The following TLK2 variants were observed in gnomAD, a reference collection of about 807,000 sequenced individuals.
TLK2 encodes serine/threonine-protein kinase tousled-like 2.
Under a neutral mutation model 117.3 loss-of-function variants are expected in TLK2, and 6 were observed. The observed-to-expected ratio is 0.05, with a 90% CI of 0.03 to 0.10. TLK2 has a LOEUF of 0.10. Ranked by LOEUF, TLK2 falls within the 10% of genes least tolerant of loss-of-function variation. The pLI is 1.00. For missense variants in TLK2, 299 were observed against 901.2 expected (o/e 0.33, Z 8.56); for synonymous variants, 257 against 316.7 (o/e 0.81, Z 2.00).
chr17:62,509,899 C>A (rs532780666), intron 2 of TLK2, among the ~76,000 whole-genome samples: 1 of 152,344 alleles, frequency 6.6e-6, no homozygotes, highest in East Asian at 1.9e-4. Flanking sequence ...AGCCTGGACC[C>A]TCACCAGACA....
At chr17:62,577,306 G>C (rs964553849) in intron 13 of TLK2, among the ~76,000 whole-genome samples, 1 of 152,070 alleles carries the variant, frequency 6.6e-6, no homozygotes, top group Admixed American at 6.6e-5. Flanking sequence ...CCCAATGACA[G>C]TGTTTTTCCC....
At chr17:62,555,386 A>T (rs2078778268) in intron 9 of TLK2, among the ~76,000 whole-genome samples, 1 of 152,014 alleles carries the variant, frequency 6.6e-6, no homozygotes, top group African/African-American at 2.4e-5. Context: ...AAAATAGTGT[A>T]TTTTGACTCC....
chr17:62,608,223 G>A (rs1263303310), intron 21 of TLK2, 75 bp downstream of exon 21: 2 of 1,120,058 alleles, frequency 1.8e-6, no homozygotes, highest in Non-Finnish European at 2.6e-6. Flanking sequence ...GGTAATAGTG[G>A]ATGGATTCTT....
chr17:62,515,921 C>G (rs553263938), intron 2 of TLK2, among the ~76,000 whole-genome samples: 23 of 152,196 alleles, frequency 1.5e-4, no homozygotes, highest in African/African-American at 4.8e-4. Flanking sequence ...GTAACACTTT[C>G]TCCCTGTTTT....
intron 16 of TLK2, 141 bp from the exon 17 acceptor site, chr17:62,596,444 T>A (rs2082486661): frequency 3.2e-6 from 2 of 617,284 alleles, no homozygotes; most frequent in Non-Finnish European, 5.7e-6. Context: ...AAGAGAAAAG[T>A]CAGATGAGGG....
chr17:62,563,678 C>G (rs2079487138), intron 10 of TLK2, among the ~76,000 whole-genome samples: 1 of 152,078 alleles, frequency 6.6e-6, no homozygotes, highest in African/African-American at 2.4e-5. Flanking sequence ...CTTAGAATTA[C>G]CAATTAATAT....
In TLK2 at chr17:62,575,321, G is replaced by A. The variant is rs557298090; in HGVS notation, c.1122-1388G>A. Among the ~76,000 whole-genome samples the A allele has an allele frequency of 2.0e-5, 3 of 152,212 alleles. No individual in the cohort carries two copies. In the South Asian group the frequency reaches 6.2e-4, roughly 32 times the overall value. On this transcript the variant is annotated intron_variant, in intron 12 of 21. Transcript: ENST00000346027. The stretch of plus-strand genomic sequence containing the variant: ...GAGTGAGCCATATTATCCTTTCTTG[G>A]CCCCGAACCTGTTTCAGACAGAGAA...
At chr17:62,481,490 A>G (rs1423738441) in intron 2 of TLK2, among the ~76,000 whole-genome samples, 1 of 152,218 alleles carries the variant, frequency 6.6e-6, no homozygotes, top group Non-Finnish European at 1.5e-5. Flanking sequence ...GTGTGTATAG[A>G]TTCTATGCCA....
At chr17:62,472,737 CAAAA>C (rs138668621) in intron 1 of TLK2, among the ~76,000 whole-genome samples, 1 of 94,714 alleles carries the variant, frequency 1.1e-5, no homozygotes, top group Non-Finnish European at 2.2e-5. Flanking sequence ...GACCCCGTCT[CAAAA>C]AAAAAAAAAA....
In TLK2 at chr17:62,481,263, A is replaced by C. The variant is rs2071610004; in HGVS notation, c.81+57A>C. On this transcript the variant is annotated intron_variant, in intron 2 of 21. Transcript: ENST00000346027. ...ATATTCTAATTTAAACACATTTTTT[A>C]AATGATTAAGAGCAATTTGGGTAGG... 5 of 1,596,992 alleles carry C rather than the reference A, an allele frequency of 3.1e-6. No homozygotes were observed. In the South Asian group the frequency reaches 5.6e-5, roughly 18 times the overall value.
At chr17:62,573,506 C>T (rs1031935003) in intron 12 of TLK2, 139 bp downstream of exon 12, 2 of 1,174,010 alleles carry the variant, frequency 1.7e-6, no homozygotes, top group South Asian at 1.7e-5. Flanking sequence ...AATGGATTTG[C>T]TCAACTCATA....
intron 6 of TLK2, among the ~76,000 whole-genome samples, chr17:62,535,621 T>C (rs1054749837): frequency 6.6e-6 from 1 of 151,674 alleles, no homozygotes; most frequent in African/African-American, 2.4e-5. Context: ...ACAAAAAAAT[T>C]AGCCAGGCGT....
At chr17:62,567,242 A>G (rs1212454315) in intron 11 of TLK2, among the ~76,000 whole-genome samples, 2 of 152,176 alleles carry the variant, frequency 1.3e-5, no homozygotes, top group South Asian at 2.1e-4. Flanking sequence ...CTCATAACAA[A>G]ACAAAACAAA....
chr17:62,474,168 T>C (rs1386085312), upstream of TLK2, among the ~76,000 whole-genome samples: 1 of 152,042 alleles, frequency 6.6e-6, no homozygotes, highest in Non-Finnish European at 1.5e-5. Flanking sequence ...AAGCTCTGCC[T>C]CCTGGGTTCA....
chr17:62,595,649 C>T (rs1388670252), intron 16 of TLK2, among the ~76,000 whole-genome samples: 1 of 151,504 alleles, frequency 6.6e-6, no homozygotes, highest in East Asian at 1.9e-4. Context: ...CATCATTGAC[C>T]GAAGGGTTGT....
chr17:62,548,238 A>G lies in TLK2; in HGVS notation c.532-4064A>G, dbSNP rs62076084. 6.0e-3 allele frequency among the ~76,000 whole-genome samples: 670 copies of G among 111,866 alleles called. 2 individuals are homozygous for G. Among genetic ancestry groups the G allele is most frequent in the South Asian group, 0.021 (64 of 3,046 alleles). The allele number at this position is 111,866 out of a possible 152,430, so 73.4% of individuals were successfully genotyped here. A position where few individuals can be genotyped will look rare whatever the true frequency, so the allele number is the denominator to read the frequency against. ...ACTTATCATTGGGCCATATATATAT[A>G]TATGTGTGTGTGTGTGTGTGTGTGT... On this transcript the variant is annotated intron_variant, in intron 7 of 21. Coordinates refer to ENST00000346027, the MANE Select transcript of TLK2 (RefSeq NM_006852.6).
upstream of TLK2, among the ~76,000 whole-genome samples, chr17:62,473,943 T>C (rs1166197556): frequency 6.6e-6 from 1 of 152,156 alleles, no homozygotes; most frequent in Admixed American, 6.6e-5. Context: ...ACACGCAGGC[T>C]GGAGTACAAT....
At chr17:62,521,259 T>C (rs2076027554) in intron 3 of TLK2, among the ~76,000 whole-genome samples, 1 of 152,230 alleles carries the variant, frequency 6.6e-6, no homozygotes, top group South Asian at 2.1e-4. Flanking sequence ...TACGTACAGT[T>C]ATGATGTGGC....
chr17:62,536,130 CT>C (rs2077098236), intron 6 of TLK2, 39 bp from the exon 7 acceptor site: 1 of 1,590,496 alleles, frequency 6.3e-7, no homozygotes, highest in African/African-American at 1.3e-5. Context: ...ATCAGATTAT[CT>C]TTCTCATGTC....
Sources: allele counts gnomAD v4.1 joint callset (sites outside exome capture counted in the v4.1 genomes callset), GRCh38; gene constraint gnomAD v4.1.1; transcripts MANE v1.5; gene names NCBI Gene and HGNC (gene_info 2026-07-23, HGNC 2026-07-21).